PTGFRN: variants seen among roughly 807,000 people sequenced by gnomAD.
PTGFRN encodes the protein prostaglandin F2 receptor inhibitor, also known as prostaglandin F2 receptor negative regulator.
A neutral mutation model predicts 83.2 loss-of-function variants in PTGFRN; 35 were observed. The observed-to-expected ratio is 0.42, with a 90% confidence interval of 0.32 to 0.56. The LOEUF is 0.56. Ranked by LOEUF, PTGFRN falls within the 20% of genes least tolerant of loss-of-function variation. PTGFRN has a pLI of 0.11. For synonymous variants in PTGFRN, 519 were observed against 498.6 expected, an observed-to-expected ratio of 1.04 and a Z score of -0.55; for missense variants, 1,051 against 1,179.5, an observed-to-expected ratio of 0.89 and a Z score of 1.60.
chr1:116,968,353 TA>T (rs1345954803), intron 6 of PTGFRN, among the ~76,000 whole-genome samples: 2 of 152,104 alleles, frequency 1.3e-5, no homozygotes, highest in African/African-American at 4.8e-5. Context: ...TAGACTCTAA[TA>T]AAGTTTTTCT....
At chr1:116,974,848 A>T (rs998527295) in intron 7 of PTGFRN, among the ~76,000 whole-genome samples, 2 of 152,182 alleles carry the variant, frequency 1.3e-5, no homozygotes, top group African/African-American at 4.8e-5. Context: ...TATCGGGTTC[A>T]TCTCACTGGG....
chr1:116,978,175 A>G (rs1651211305), intron 7 of PTGFRN, among the ~76,000 whole-genome samples: 1 of 152,246 alleles, frequency 6.6e-6, no homozygotes, highest in South Asian at 2.1e-4. Flanking sequence ...TAAACCAGGA[A>G]GAAGCGGAAT....
Position 116,918,093 on chromosome 1 carries a change from A to G in PTGFRN, c.49+7841A>G, listed in dbSNP as rs1204570427. Among the ~76,000 whole-genome samples, 1 of 152,192 alleles carries G rather than the reference A, an allele frequency of 6.6e-6. No individual in the cohort carries two copies. Among genetic ancestry groups the G allele is most frequent in the Non-Finnish European group, 1.5e-5 (1 of 68,034 alleles). On this transcript the variant is annotated intron_variant, in intron 1 of 8. Transcript: ENST00000393203. The surrounding 1 kb of genome is among the most constrained non-coding windows in gnomAD (Gnocchi z 4.1). ...TATAATCCATCTTTCTCTTATTCAC[A>G]TTAGCTAAGAAGATTTTAATAGTTT...
chr1:116,967,269 C>G lies in PTGFRN; in HGVS notation c.1998C>G (p.Ser666Arg), dbSNP rs1395667860. The G allele has an allele frequency of 6.2e-7, 1 of 1,614,182 alleles. No individual in the cohort carries two copies. The change falls in exon 6 of 9, where the codon AGC becomes AGG. Residue 666 changes from serine (S) to arginine (R), a missense_variant. Physicochemically the swap from Ser to Arg is moderately radical, Grantham distance 110 (BLOSUM62 -1). Around this residue, in one of 3 missense-constraint regions of PTGFRN, gnomAD observed 719 missense variants for 836.6 expected, o/e 0.86. Transcript: ENST00000393203. Reference sequence around the variant, plus strand: ...CAGCCTGGTCTCCTGTCAGGGGCAGCCTTTGGCGAGAAGCAGCAACCAGTC... The same window carrying G: ...CAGCCTGGTCTCCTGTCAGGGGCAGGCTTTGGCGAGAAGCAGCAACCAGTC... ...MVTAWSPVRG[S>R]LWREAATSLS...
At chr1:116,974,503 C>G (rs1651089415) in intron 7 of PTGFRN, 180 bp downstream of exon 7, 1 of 482,118 alleles carries the variant, frequency 2.1e-6, no homozygotes, top group Non-Finnish European at 3.7e-6. Context: ...GTGGATGCAT[C>G]TATCTGCTAG....
chr1:116,945,229 G>C (rs1235731747), intron 3 of PTGFRN, 137 bp downstream of exon 3: 13 of 1,121,636 alleles, frequency 1.2e-5, no homozygotes, highest in African/African-American at 1.6e-5. Context: ...ATTTTTAGGG[G>C]TGAAGGGAGT....
chr1:116,911,744 G>T (rs1649278330), intron 1 of PTGFRN, among the ~76,000 whole-genome samples: 1 of 152,226 alleles, frequency 6.6e-6, no homozygotes, highest in Non-Finnish European at 1.5e-5. Flanking sequence ...CTGGGCTCAA[G>T]TCATTCTCCC....
intron 1 of PTGFRN, among the ~76,000 whole-genome samples, chr1:116,913,743 AT>A (rs1186119187): frequency 2.0e-5 from 3 of 152,186 alleles, no homozygotes; most frequent in Non-Finnish European, 2.9e-5. Flanking sequence ...GAATACTTAC[AT>A]ATGTCATTTT....
At chr1:116,938,508 TACTC>T (rs969219133) in intron 1 of PTGFRN, among the ~76,000 whole-genome samples, 5 of 152,140 alleles carry the variant, frequency 3.3e-5, no homozygotes, top group African/African-American at 1.2e-4. Flanking sequence ...TCACGAGACT[TACTC>T]ATTATCATGA....
chr1:116,983,076 G>A (rs796831380), intron 7 of PTGFRN, among the ~76,000 whole-genome samples: 20 of 152,340 alleles, frequency 1.3e-4, no homozygotes, highest in African/African-American at 4.8e-4. Context: ...AGTACTTACT[G>A]TGTTCCAGGT....
intron 7 of PTGFRN, among the ~76,000 whole-genome samples, chr1:116,979,014 C>T (rs1191474191): frequency 6.6e-6 from 1 of 152,210 alleles, no homozygotes; most frequent in Non-Finnish European, 1.5e-5. Context: ...TAAGCAACTT[C>T]AGCAAAGTCT....
chr1:116,945,701 G>C (rs926046510), intron 3 of PTGFRN, among the ~76,000 whole-genome samples: 3 of 151,522 alleles, frequency 2.0e-5, no homozygotes, highest in African/African-American at 7.3e-5. Context: ...TCCAGTCCTG[G>C]GGTCTGTACA....
intron 7 of PTGFRN, among the ~76,000 whole-genome samples, chr1:116,977,438 C>T (rs1009112965): frequency 1.6e-4 from 25 of 152,154 alleles, no homozygotes; most frequent in African/African-American, 5.1e-4. Context: ...AGCAACACAT[C>T]GCACTTATTC....
intron 4 of PTGFRN, among the ~76,000 whole-genome samples, chr1:116,959,265 A>G (rs1403954687): frequency 6.6e-6 from 1 of 152,198 alleles, no homozygotes; most frequent in Non-Finnish European, 1.5e-5. Flanking sequence ...CTGTAAAATG[A>G]GCAGTCAGAA....
chr1:116,986,751 G>A (rs1231102176), intron 8 of PTGFRN, 50 bp from the exon 9 acceptor site: 11 of 1,574,828 alleles, frequency 7.0e-6, no homozygotes, highest in Middle Eastern at 1.7e-4. Flanking sequence ...CCCCCAAAGC[G>A]GCCTCCCTCG....
chr1:116,926,596 C>T (rs945095542), intron 1 of PTGFRN, among the ~76,000 whole-genome samples: 1 of 152,108 alleles, frequency 6.6e-6, no homozygotes, highest in African/African-American at 2.4e-5. Flanking sequence ...CATAACTTCT[C>T]GGAACCTCAG....
At position 116,945,004 on chromosome 1, in the gene PTGFRN, C is replaced by T. The variant is rs373833228; in HGVS notation, c.744C>T (p.Ile248=). Residue 248 remains isoleucine (I), a synonymous_variant, in exon 3 of 9, where the codon ATC becomes ATT. Transcript: ENST00000393203. ...LSADQGSYRC[I]VSEWIAEQGN... ...CCGACCAGGGCTCCTACAGGTGTAT[C>T]GTCAGCGAGTGGATCGCCGAGCAGG... The T allele has an allele frequency of 1.9e-6, 3 of 1,613,732 alleles. No individual in the cohort carries two copies. The highest frequency in any genetic ancestry group is 3.3e-5 in the Admixed American group (2 of 60,014).
At chr1:116,965,165 T>C (rs1423725975) in intron 5 of PTGFRN, among the ~76,000 whole-genome samples, 1 of 152,238 alleles carries the variant, frequency 6.6e-6, no homozygotes, top group African/African-American at 2.4e-5. Flanking sequence ...ATACACCAAG[T>C]GTGCTCCGGC....
rs2101051008 is a variant in PTGFRN at position 116,918,618 on chromosome 1, C to T, written c.49+8366C>T. Among the ~76,000 whole-genome samples, 1 of 152,300 alleles carries T rather than the reference C, an allele frequency of 6.6e-6. No homozygotes were observed. The highest frequency in any genetic ancestry group is 3.4e-3 in the Middle Eastern group (1 of 294). ...GGTAGTCTGGGCTTTCTCAGTGGGA[C>T]TGAGGCAAAGCCATGGTCAGAGTCT... On this transcript the variant is annotated intron_variant, in intron 1 of 8. Transcript: ENST00000393203. This position sits in a 1 kb window ranked among gnomAD's most constrained non-coding sequence, Gnocchi z 4.1.
Sources: gnomAD v4.1 joint callset for allele counts (sites outside exome capture counted in the v4.1 genomes callset) on GRCh38, gnomAD v4.1.1 for gene constraint, gnomAD v4.1.1 regional missense constraint, Gnocchi (gnomAD v3.1) non-coding constraint, MANE v1.5 for transcripts, NCBI Gene and HGNC (gene_info 2026-07-23, HGNC 2026-07-21) for gene names.